EXOC4: variants seen among roughly 807,000 people sequenced by gnomAD.
EXOC4 encodes the protein exocyst complex component 4.
In EXOC4, 71 loss-of-function variants were observed where a neutral mutation model predicts 107.2. The observed-to-expected ratio is 0.66, with a 90% CI of 0.55 to 0.81. EXOC4 has a LOEUF of 0.81. Among genes scored for constraint, EXOC4 ranks in the 30% least tolerant of loss-of-function variants. The pLI is 0.00. For missense variants in EXOC4, 1,108 were observed against 1,189.6 expected (o/e 0.93, Z 1.01); for synonymous variants, 456 against 441.2 (o/e 1.03, Z -0.42).
chr7:133,956,059 A>G (rs1173875255), intron 14 of EXOC4, among the ~76,000 whole-genome samples: 1 of 152,232 alleles, frequency 6.6e-6, no homozygotes, highest in Non-Finnish European at 1.5e-5. Flanking sequence ...CTGGCCCCCA[A>G]GAGCACAGGG....
At chr7:133,989,258 C>G (rs1441040697) in intron 14 of EXOC4, among the ~76,000 whole-genome samples, 2 of 152,194 alleles carry the variant, frequency 1.3e-5, no homozygotes, top group Middle Eastern at 3.4e-3. Context: ...AGAACAGATG[C>G]TAAAGAAAGA....
chr7:133,690,168 T>C (rs1794389175), intron 10 of EXOC4, among the ~76,000 whole-genome samples: 1 of 152,216 alleles, frequency 6.6e-6, no homozygotes, highest in South Asian at 2.1e-4. Flanking sequence ...GCATGAGTTA[T>C]TCCATTTTGG....
intron 11 of EXOC4, among the ~76,000 whole-genome samples, chr7:133,885,160 A>C (rs2116467772): frequency 6.6e-6 from 1 of 152,168 alleles, no homozygotes; most frequent in South Asian, 2.1e-4. Flanking sequence ...CTAAAAATAC[A>C]AAAATTAGCC....
At chr7:133,956,426 G>A (rs1200084042) in intron 14 of EXOC4, among the ~76,000 whole-genome samples, 1 of 152,216 alleles carries the variant, frequency 6.6e-6, no homozygotes, top group Non-Finnish European at 1.5e-5. Flanking sequence ...AATGGCCAAT[G>A]CTGGAGTGTA....
At chr7:133,493,300 G>A (rs1362283741) in intron 9 of EXOC4, among the ~76,000 whole-genome samples, 8 of 152,114 alleles carry the variant, frequency 5.3e-5, no homozygotes, top group Non-Finnish European at 1.2e-4. Context: ...AGCTGGACAT[G>A]GTGGCACACG....
At chr7:134,049,067 CT>C (rs1795723571) in intron 17 of EXOC4, among the ~76,000 whole-genome samples, 1 of 152,094 alleles carries the variant, frequency 6.6e-6, no homozygotes, top group Admixed American at 6.5e-5. Flanking sequence ...ACTGATTGTC[CT>C]CATCTATACG....
At chr7:133,987,748 T>C (rs1157209475) in intron 14 of EXOC4, among the ~76,000 whole-genome samples, 1 of 152,210 alleles carries the variant, frequency 6.6e-6, no homozygotes, top group Non-Finnish European at 1.5e-5. Flanking sequence ...TCTTTCCCTT[T>C]TCAATTTCTC....
At chr7:134,014,979 G>A (rs1349376525) in intron 17 of EXOC4, among the ~76,000 whole-genome samples, 4 of 152,162 alleles carry the variant, frequency 2.6e-5, no homozygotes, top group South Asian at 2.1e-4. Flanking sequence ...TTTGGAGAAG[G>A]AGGTGATACT....
chr7:133,915,039 A>C (rs1288713976), intron 12 of EXOC4, among the ~76,000 whole-genome samples: 1 of 152,224 alleles, frequency 6.6e-6, no homozygotes, highest in Non-Finnish European at 1.5e-5. Context: ...GCAAATAGAA[A>C]ATCTAGAAAT....
intron 5 of EXOC4, among the ~76,000 whole-genome samples, chr7:133,338,418 C>G (rs1363654921): frequency 4.0e-5 from 6 of 149,506 alleles, no homozygotes; most frequent in African/African-American, 1.5e-4. Context: ...AAGGTGAAAC[C>G]CCGTCTCTAC....
chr7:133,455,387 G>A (rs1318526456), intron 7 of EXOC4, among the ~76,000 whole-genome samples: 4 of 152,136 alleles, frequency 2.6e-5, no homozygotes, highest in African/African-American at 9.7e-5. Flanking sequence ...ATGGGCCCAG[G>A]GGTTAGGGGA....
At chr7:133,358,035 A>G (rs1365002412) in intron 6 of EXOC4, among the ~76,000 whole-genome samples, 1 of 152,084 alleles carries the variant, frequency 6.6e-6, no homozygotes, top group East Asian at 1.9e-4. Flanking sequence ...TAAAAATACA[A>G]AAATTAGCTG....
At chr7:133,864,633 G>T (rs1217012538) in intron 11 of EXOC4, among the ~76,000 whole-genome samples, 1 of 152,166 alleles carries the variant, frequency 6.6e-6, no homozygotes, top group Non-Finnish European at 1.5e-5. Context: ...AGGGAAAGCA[G>T]GGAGATTTGG....
chr7:133,386,593 A>T (rs1293815403), intron 7 of EXOC4, among the ~76,000 whole-genome samples: 3 of 152,202 alleles, frequency 2.0e-5, no homozygotes, highest in Non-Finnish European at 4.4e-5. Context: ...GAAGGCTGGA[A>T]TATAGAATGG....
At chr7:133,584,570 T>A (rs1288801954) in intron 9 of EXOC4, among the ~76,000 whole-genome samples, 2 of 130,960 alleles carry the variant, frequency 1.5e-5, no homozygotes, top group Non-Finnish European at 3.2e-5. Flanking sequence ...TTTTACGTAT[T>A]TCAGTTTTTT....
chr7:133,827,051 A>G (rs891253072), intron 11 of EXOC4, among the ~76,000 whole-genome samples: 29 of 152,186 alleles, frequency 1.9e-4, no homozygotes, highest in African/African-American at 6.8e-4. Flanking sequence ...ATACAAAGAG[A>G]TACATTAGGT....
At chr7:133,653,529 C>G (rs1402091135) in intron 10 of EXOC4, among the ~76,000 whole-genome samples, 1 of 152,210 alleles carries the variant, frequency 6.6e-6, no homozygotes, top group Non-Finnish European at 1.5e-5. Context: ...TTCTCTCTGG[C>G]AGGTTGATAG....
chr7:133,533,844 C>T lies in EXOC4; in HGVS notation c.1417+53706C>T, dbSNP rs944312263. On this transcript the variant is annotated intron_variant, in intron 9 of 17. Coordinates refer to ENST00000253861, the MANE Select transcript of EXOC4 (RefSeq NM_021807.4). The stretch of plus-strand genomic sequence containing the variant: ...CCTGCTTAACAGGAGTACAGTTTGA[C>T]TCTTCTGTTTCCCCGATGTGTTAAT... 3.3e-5 allele frequency among the ~76,000 whole-genome samples: 5 copies of T among 152,090 alleles called. No individual in the cohort carries two copies. In the East Asian group the frequency reaches 9.6e-4, roughly 29 times the overall value.
chr7:133,737,437 T>C (rs1795467462), intron 10 of EXOC4, among the ~76,000 whole-genome samples: 1 of 152,170 alleles, frequency 6.6e-6, no homozygotes, highest in Non-Finnish European at 1.5e-5. Context: ...TAAATGTTCT[T>C]TTTTCTTATG....
Sources: allele counts gnomAD v4.1 joint callset (sites outside exome capture counted in the v4.1 genomes callset), GRCh38; gene constraint gnomAD v4.1.1; transcripts MANE v1.5; gene names NCBI Gene and HGNC (gene_info 2026-07-23, HGNC 2026-07-21).